The following DNAH10 variants were observed in gnomAD, a reference collection of about 807,000 sequenced individuals.
DNAH10 encodes the protein axonemal beta dynein heavy chain 10.
Under a neutral mutation model 506.6 loss-of-function variants are expected in DNAH10, and 348 were observed. The ratio of observed to expected loss-of-function variants is 0.69; its 90% confidence interval spans 0.63 to 0.75. The LOEUF is 0.75. Among genes scored for constraint, DNAH10 ranks in the 30% least tolerant of loss-of-function variants. The probability of loss-of-function intolerance (pLI) is 0.00; values close to 1 mark genes in which losing one functional copy is unlikely to be tolerated. For synonymous variants in DNAH10, 2,059 were observed against 2,198.6 expected, an observed-to-expected ratio of 0.94 and a Z score of 1.78; for missense variants, 5,179 against 5,787.1, an observed-to-expected ratio of 0.89 and a Z score of 3.41.
chr12:123,762,663 T>C lies in DNAH10; in HGVS notation c.214+113T>C. 3 of 1,171,614 alleles carry C rather than the reference T, an allele frequency of 2.6e-6. No individual in the cohort carries two copies. The highest frequency in any genetic ancestry group is 2.3e-6 in the Non-Finnish European group (2 of 864,958). The allele number at this position is 1,171,614 out of a possible 1,614,324, so 72.6% of individuals were successfully genotyped here. The stretch of plus-strand genomic sequence containing the variant: ...CCCATCGTCCGGCCCCGGCCTCAGG[T>C]GCTGTCCACAAACGCTGCCGCCCGC... On this transcript the variant is annotated intron_variant, in intron 1 of 78. Coordinates refer to ENST00000673944, the MANE Select transcript of DNAH10 (RefSeq NM_001372106.1). The surrounding 1 kb of genome is among the most constrained non-coding windows in gnomAD (Gnocchi z 5.0).
chr12:123,810,645 A>T (rs1055367773), intron 19 of DNAH10, among the ~76,000 whole-genome samples: 1 of 152,056 alleles, frequency 6.6e-6, no homozygotes, highest in Non-Finnish European at 1.5e-5. Context: ...GCGAGCCGAG[A>T]TCGCACCACT....
intron 37 of DNAH10, 129 bp from the exon 38 acceptor site, chr12:123,859,021 G>A: frequency 1.2e-6 from 1 of 859,052 alleles, no homozygotes. Context: ...ACAACTCTGT[G>A]AATATACTGG....
At chr12:123,847,503 C>G (rs1014532176) in intron 32 of DNAH10, among the ~76,000 whole-genome samples, 1 of 140,838 alleles carries the variant, frequency 7.1e-6, no homozygotes, top group Non-Finnish European at 1.6e-5. Context: ...AGTGTAGACT[C>G]GTGTCTGGGT....
At chr12:123,867,651 A>G in intron 42 of DNAH10, 50 bp downstream of exon 42, 1 of 1,607,958 alleles carries the variant, frequency 6.2e-7, no homozygotes, top group South Asian at 1.1e-5. Context: ...TCCTAAAGAC[A>G]AGCTCACGGT....
chr12:123,853,221 A>T lies in DNAH10; in HGVS notation c.6307A>T (p.Met2103Leu). Reference sequence around the variant, plus strand: ...TATCAAAAAGACTCTGGCGAAAAAGATGACGGTTCTGTATAAGCTGGCCCG... The same window carrying T: ...TATCAAAAAGACTCTGGCGAAAAAGTTGACGGTTCTGTATAAGCTGGCCCG... ...FLEAKTLAKK[M>L]TVLYKLAREQ... The change falls in exon 36 of 79, where the codon ATG (methionine) becomes TTG (leucine). Residue 2103 changes from methionine to leucine, a missense_variant. By Grantham distance (15) the Met-to-Leu change is conservative. Transcript: ENST00000673944. This position sits in a 1 kb window ranked among gnomAD's most constrained non-coding sequence, Gnocchi z 4.7. The T allele has an allele frequency of 6.2e-7, 1 of 1,603,240 alleles. No individual in the cohort carries two copies. Among genetic ancestry groups the T allele is most frequent in the Non-Finnish European group, 8.5e-7 (1 of 1,174,874 alleles).
At chr12:123,877,665 C>G (rs1952315210) in intron 47 of DNAH10, 71 bp from the exon 48 acceptor site, 1 of 1,518,566 alleles carries the variant, frequency 6.6e-7, no homozygotes, top group Non-Finnish European at 8.8e-7. Flanking sequence ...ACGGCTCTGC[C>G]ACATTTTGTT....
intron 56 of DNAH10, among the ~76,000 whole-genome samples, chr12:123,900,379 G>A (rs977083725): frequency 6.6e-6 from 1 of 152,180 alleles, no homozygotes; most frequent in Non-Finnish European, 1.5e-5. Flanking sequence ...GGCAGCCACC[G>A]TGGTAGGGAG....
Position 123,787,699 on chromosome 12 carries a change from G to T in DNAH10, c.1422-105G>T. The T allele has an allele frequency of 7.3e-7, 1 of 1,376,290 alleles. No homozygotes were observed. 85.3% of individuals were successfully genotyped at this position (1,376,290 alleles called of 1,614,324 possible). On this transcript the variant is annotated intron_variant, in intron 9 of 78. Coordinates refer to ENST00000673944, the MANE Select transcript of DNAH10 (RefSeq NM_001372106.1). The surrounding 1 kb of genome is among the most constrained non-coding windows in gnomAD (Gnocchi z 4.6). Reference sequence around the variant, plus strand: ...CGATGAGGCCGTGAAACCAGGGGGGGCGCCCGGGTCAGAGCTTCACGGGAC... The same window carrying T: ...CGATGAGGCCGTGAAACCAGGGGGGTCGCCCGGGTCAGAGCTTCACGGGAC...
chr12:123,916,792 A>G lies in DNAH10; in HGVS notation c.11002+56A>G, dbSNP rs894702683. The G allele has an allele frequency of 6.5e-7, 1 of 1,535,548 alleles. No homozygotes were observed. ...TCAGATGGTTATGAGGGAGACCGCA[A>G]CCTCAGATCAAGGCATTCATGGGAC... On this transcript the variant is annotated intron_variant, in intron 63 of 78. Transcript: ENST00000673944. This position sits in a 1 kb window ranked among gnomAD's most constrained non-coding sequence, Gnocchi z 4.6.
intron 57 of DNAH10, among the ~76,000 whole-genome samples, chr12:123,908,962 G>T (rs1953936300): frequency 6.6e-6 from 1 of 152,186 alleles, no homozygotes; most frequent in Non-Finnish European, 1.5e-5. Flanking sequence ...TAGGTGCTCA[G>T]GCTGCCCCCT....
rs1466022496 is a variant in DNAH10 at position 123,871,599 on chromosome 12, T to G, written c.7782T>G (p.Thr2594=). The G allele has an allele frequency of 6.5e-7, 1 of 1,549,428 alleles. No individual in the cohort carries two copies. The highest frequency in any genetic ancestry group is 1.2e-5 in the South Asian group (1 of 84,056). ...QNFLKNLSEE[T]NIVLMVNFSS... is the part of the protein sequence containing the mutation. ...TCCTCAAAAATCTGAGTGAAGAAAC[T>G]AACGTAAGTCATTATTCATATGAAT... The change falls in exon 45 of 79, where the codon ACT becomes ACG. Residue 2594 remains threonine, a synonymous_variant. Transcript: ENST00000673944.
Position 123,789,937 on chromosome 12 carries a change from A to C in DNAH10, c.1631A>C (p.Glu544Ala), listed in dbSNP as rs780953934. The stretch of plus-strand genomic sequence containing the variant: ...CGTTTGATTGGACAGATTTTGGAGG[A>C]ATTTTATAACATATTTGGTCCAGAA... ...DLSDVLQILEEFYNIFGPELK... is the reference protein window; with the variant it reads ...DLSDVLQILEAFYNIFGPELK... The change falls in exon 11 of 79, where the codon GAA becomes GCA. Residue 544 changes from glutamate (E) to alanine (A), a missense_variant. By Grantham distance (107) the Glu-to-Ala change is moderately radical. Coordinates refer to ENST00000673944, the MANE Select transcript of DNAH10 (RefSeq NM_001372106.1). The C allele has an allele frequency of 2.0e-5, 33 of 1,611,164 alleles. No homozygotes were observed. Among genetic ancestry groups the C allele is most frequent in the Non-Finnish European group, 2.7e-5 (32 of 1,178,686 alleles).
At chr12:123,904,082 G>A (rs1192908644) in intron 57 of DNAH10, among the ~76,000 whole-genome samples, 1 of 152,164 alleles carries the variant, frequency 6.6e-6, no homozygotes, top group Non-Finnish European at 1.5e-5. Context: ...CCGTGCCCTT[G>A]TTTTCTTATT....
chr12:123,835,285 C>T (rs1961015714), intron 27 of DNAH10, 121 bp from the exon 28 acceptor site: 1 of 1,131,688 alleles, frequency 8.8e-7, no homozygotes, highest in South Asian at 1.7e-5. Context: ...TGTCACCTTG[C>T]CTGGAAGGTC....
At chr12:123,915,596 A>G (rs926850445) in intron 62 of DNAH10, among the ~76,000 whole-genome samples, 2 of 152,018 alleles carry the variant, frequency 1.3e-5, no homozygotes, top group Admixed American at 1.3e-4. Context: ...CCTCCTCTGG[A>G]CATTTCTTAG....
At chr12:123,821,362 G>T (rs114474919) in intron 24 of DNAH10, among the ~76,000 whole-genome samples, 11 of 152,130 alleles carry the variant, frequency 7.2e-5, no homozygotes, top group Admixed American at 7.2e-4. Flanking sequence ...ACAAAGTCTC[G>T]CTCTAACACC....
In DNAH10 at chr12:123,926,417, A is replaced by G. The variant is rs1237257600; in HGVS notation, c.11922-220A>G. The G allele has an allele frequency of 1.9e-5, 10 of 526,552 alleles. No homozygotes were observed. Among genetic ancestry groups the G allele is most frequent in the Non-Finnish European group, 1.6e-5 (5 of 306,144 alleles). The allele number at this position is 526,552 out of a possible 1,614,324, so 32.6% of individuals were successfully genotyped here. ...GCACAAACCAACTGAATCGAGTGTG[A>G]GGGGGTACAGAGAAGTCCCTGCCAC... is the stretch of plus-strand genomic sequence containing the variant. On this transcript the variant is annotated intron_variant, in intron 68 of 78. Coordinates refer to ENST00000673944, the MANE Select transcript of DNAH10 (RefSeq NM_001372106.1). This position sits in a 1 kb window ranked among gnomAD's most constrained non-coding sequence, Gnocchi z 4.1.
chr12:123,852,257 A>T (rs7959519), intron 35 of DNAH10, among the ~76,000 whole-genome samples: 1 of 152,038 alleles, frequency 6.6e-6, no homozygotes, highest in Non-Finnish European at 1.5e-5. Context: ...AGATTCAAAA[A>T]CAACTTTATG....
chr12:123,880,021 C>T (rs190187331), intron 50 of DNAH10, among the ~76,000 whole-genome samples: 5 of 152,318 alleles, frequency 3.3e-5, no homozygotes, highest in Admixed American at 2.0e-4. Flanking sequence ...GTGAGATTTG[C>T]TGCGCTGGGC....
Sources: gnomAD v4.1 joint callset for allele counts (sites outside exome capture counted in the v4.1 genomes callset) on GRCh38, gnomAD v4.1.1 for gene constraint, Gnocchi (gnomAD v3.1) non-coding constraint, MANE v1.5 for transcripts, NCBI Gene and HGNC (gene_info 2026-07-23, HGNC 2026-07-21) for gene names.